NECTIN3: variants seen among roughly 807,000 people sequenced by gnomAD.
The protein encoded by NECTIN3 is nectin cell adhesion molecule 3.
Under a neutral mutation model 49.4 loss-of-function variants are expected in NECTIN3, and 8 were observed. The ratio of observed to expected loss-of-function variants is 0.16; its 90% CI spans 0.10 to 0.29. NECTIN3 has a LOEUF of 0.29. Ranked by LOEUF, NECTIN3 falls within the 10% of genes least tolerant of loss-of-function variation. The probability of loss-of-function intolerance (pLI) is 1.00; values close to 1 mark genes in which losing one functional copy is unlikely to be tolerated. For synonymous variants in NECTIN3, 277 were observed against 241.1 expected, an observed-to-expected ratio of 1.15 and a Z score of -1.38; for missense variants, 581 against 654.6, an observed-to-expected ratio of 0.89 and a Z score of 1.23.
intron 2 of NECTIN3, among the ~76,000 whole-genome samples, chr3:111,117,179 T>C (rs1207770242): frequency 2.0e-5 from 3 of 152,086 alleles, no homozygotes; most frequent in Non-Finnish European, 4.4e-5. Flanking sequence ...AAGCTAAAGC[T>C]AAATGTTCCA....
Position 111,137,487 on chromosome 3 carries a change from T to G in NECTIN3, c.*3272T>G. The stretch of plus-strand genomic sequence containing the variant: ...TTTGTTTTTTCTTTTTTAACCAACC[T>G]GTGTATTAGGTGTTAGCCCCAATAG... On this transcript the variant is annotated 3_prime_UTR_variant, in exon 6 of 6. Transcript: ENST00000485303. 23 of 915,480 alleles carry G rather than the reference T, an allele frequency of 2.5e-5. No individual in the cohort carries two copies. The highest frequency in any genetic ancestry group is 2.9e-5 in the Non-Finnish European group (23 of 795,480). 56.7% of individuals were successfully genotyped at this position (915,480 alleles called of 1,614,324 possible).
intron 1 of NECTIN3, among the ~76,000 whole-genome samples, chr3:111,089,433 G>GTATATGTTTA (rs1373275640): frequency 8.6e-5 from 12 of 139,318 alleles, no homozygotes; most frequent in East Asian, 6.2e-4. Flanking sequence ...GTGTGTGTAT[G>GTATATGTTTA]TATATAAACA....
intron 1 of NECTIN3, among the ~76,000 whole-genome samples, chr3:111,095,743 GGA>G (rs1223968725): frequency 6.6e-6 from 1 of 152,136 alleles, no homozygotes; most frequent in Non-Finnish European, 1.5e-5. Flanking sequence ...TTTACAAAGG[GGA>G]GTTTCCTTGC....
At chr3:111,132,776 G>A (rs1042394068) in intron 5 of NECTIN3, among the ~76,000 whole-genome samples, 2 of 151,830 alleles carry the variant, frequency 1.3e-5, no homozygotes, top group African/African-American at 4.8e-5. Flanking sequence ...CCATCCTAAA[G>A]TAGTGACATT....
chr3:111,170,248 TAAA>T (rs1332536596), intron 7 of NECTIN3, among the ~76,000 whole-genome samples: 1 of 152,190 alleles, frequency 6.6e-6, no homozygotes, highest in African/African-American at 2.4e-5. Context: ...AGGTTGGCGA[TAAA>T]AAGTTAAAGC....
chr3:111,177,613 T>C (rs2107530260), intron 7 of NECTIN3, among the ~76,000 whole-genome samples: 1 of 152,184 alleles, frequency 6.6e-6, no homozygotes, highest in East Asian at 1.9e-4. Context: ...CTACCATCTT[T>C]GAGGGTGTTC....
chr3:111,193,133 GT>G, intron 1 of NECTIN3: 1 of 1,377,408 alleles, frequency 7.3e-7, no homozygotes, highest in African/African-American at 1.4e-5. Flanking sequence ...ATTCTTGCCT[GT>G]TTTTACCAGT....
chr3:111,101,294 A>T (rs1366372186), intron 1 of NECTIN3, among the ~76,000 whole-genome samples: 1 of 152,152 alleles, frequency 6.6e-6, no homozygotes, highest in East Asian at 1.9e-4. Context: ...TTGAGAATAG[A>T]TGATGAAAAC....
At chr3:111,085,254 C>T (rs1414992398) in intron 1 of NECTIN3, among the ~76,000 whole-genome samples, 1 of 152,178 alleles carries the variant, frequency 6.6e-6, no homozygotes, top group Non-Finnish European at 1.5e-5. Flanking sequence ...GGCTTCAACA[C>T]ACAATTCAGC....
At chr3:111,156,785 A>G (rs2107516674) in intron 7 of NECTIN3, among the ~76,000 whole-genome samples, 1 of 152,244 alleles carries the variant, frequency 6.6e-6, no homozygotes, top group Middle Eastern at 3.4e-3. Flanking sequence ...CCCCACAGAC[A>G]TGTTTTCACC....
chr3:111,181,200 A>C (rs981233930), intron 7 of NECTIN3, among the ~76,000 whole-genome samples: 5 of 152,134 alleles, frequency 3.3e-5, no homozygotes, highest in African/African-American at 1.2e-4. Flanking sequence ...TTTTAAAAGA[A>C]CCTCACATGA....
chr3:111,151,358 A>G (rs1416064012), intron 7 of NECTIN3, among the ~76,000 whole-genome samples: 1 of 151,844 alleles, frequency 6.6e-6, no homozygotes, highest in African/African-American at 2.4e-5. Context: ...TATCCATATC[A>G]CAGATACTAT....
At chr3:111,094,479 G>A (rs1347454531) in intron 1 of NECTIN3, among the ~76,000 whole-genome samples, 1 of 152,064 alleles carries the variant, frequency 6.6e-6, no homozygotes, top group African/African-American at 2.4e-5. Flanking sequence ...TAAAAGATAC[G>A]TTAAAAGATT....
chr3:111,100,385 A>C (rs1262346389), intron 1 of NECTIN3, among the ~76,000 whole-genome samples: 2 of 152,214 alleles, frequency 1.3e-5, no homozygotes, highest in Non-Finnish European at 2.9e-5. Flanking sequence ...CTGATGGTTC[A>C]GTGCACACAA....
intron 1 of NECTIN3, among the ~76,000 whole-genome samples, chr3:111,086,867 A>T (rs1249417555): frequency 6.6e-6 from 1 of 152,034 alleles, no homozygotes; most frequent in Non-Finnish European, 1.5e-5. Flanking sequence ...AGCCTGTTTT[A>T]TCTATTTATT....
At chr3:111,106,557 A>G (rs927145546) in intron 1 of NECTIN3, among the ~76,000 whole-genome samples, 29 of 152,076 alleles carry the variant, frequency 1.9e-4, no homozygotes, top group African/African-American at 6.5e-4. Context: ...TTTTTGTTAT[A>G]TTTTCAGAGT....
At position 111,154,438 on chromosome 3, in the gene NECTIN3, TACAA is replaced by T. The variant is rs1576166571; in HGVS notation, c.1221+6960_1221+6963del. Reference sequence around the variant, plus strand: ...ATTTTTGTTTCCAGTTTGGGACTATTACAAACAAAGTTGCTATGAACATTTATAT... The same window carrying T: ...ATTTTTGTTTCCAGTTTGGGACTATTACAAAGTTGCTATGAACATTTATAT... On this transcript the variant is annotated intron_variant, in intron 7 of 8. Coordinates refer to the NECTIN3 transcript ENST00000493615. 3.9e-5 allele frequency among the ~76,000 whole-genome samples: 6 copies of T among 152,320 alleles called. No individual in the cohort carries two copies. In the East Asian group the frequency reaches 1.2e-3, roughly 29 times the overall value.
intron 3 of NECTIN3, among the ~76,000 whole-genome samples, chr3:111,120,148 C>G (rs1381948271): frequency 2.0e-5 from 3 of 152,024 alleles, no homozygotes; most frequent in Non-Finnish European, 4.4e-5. Context: ...TTCTTTTTCT[C>G]ATAAAATTCA....
Position 111,136,520 on chromosome 3 carries a change from C to G in NECTIN3, c.*2305C>G, listed in dbSNP as rs937535032. On this transcript the variant is annotated 3_prime_UTR_variant, in exon 6 of 6. Transcript: ENST00000485303. ...GCTTAAGACTTTGGGAAGCATTGCA[C>G]TGTTGTTTATTAGAACTTTATGTAT... 6 of 977,740 alleles carry G rather than the reference C, an allele frequency of 6.1e-6. No individual in the cohort carries two copies. The African/African-American group carries it at 8.8e-5, about 14-fold the overall frequency. The allele number at this position is 977,740 out of a possible 1,614,324, so 60.6% of individuals were successfully genotyped here.
Sources: allele counts gnomAD v4.1 joint callset (sites outside exome capture counted in the v4.1 genomes callset), GRCh38; gene constraint gnomAD v4.1.1; transcripts MANE v1.5; gene names NCBI Gene and HGNC (gene_info 2026-07-23, HGNC 2026-07-21).